Variants in TUSC3 observed in about 807,000 individuals in gnomAD.
The protein encoded by TUSC3 is tumor suppressor candidate 3.
A neutral mutation model predicts 44.8 loss-of-function variants in TUSC3; 45 were observed. The observed-to-expected ratio is 1.00, with a 90% CI of 0.79 to 1.29. The LOEUF (loss-of-function observed/expected upper bound fraction) is 1.29. TUSC3 is among the 50% of genes most tolerant of loss of function. The pLI is 0.00. For missense variants in TUSC3, 519 were observed against 437.9 expected (o/e 1.19, Z -1.65); for synonymous variants, 212 against 152.9 (o/e 1.39, Z -2.85).
intron 2 of TUSC3, among the ~76,000 whole-genome samples, chr8:15,649,762 G>C (rs1447998331): frequency 6.6e-6 from 1 of 151,946 alleles, no homozygotes; most frequent in African/African-American, 2.4e-5. Context: ...CTGTTTTTCA[G>C]ATATTTGTGG....
chr8:15,588,780 A>G (rs1803702420), intron 1 of TUSC3, among the ~76,000 whole-genome samples: 1 of 152,152 alleles, frequency 6.6e-6, no homozygotes, highest in South Asian at 2.1e-4. Flanking sequence ...ATGGATAGTC[A>G]GTTTTCCCCG....
At chr8:15,439,355 C>G (rs1210297124) in intron 1 of TUSC3, among the ~76,000 whole-genome samples, 3 of 152,090 alleles carry the variant, frequency 2.0e-5, no homozygotes, top group African/African-American at 7.2e-5. Flanking sequence ...TGTTTGAGCC[C>G]AGGAGTTTGA....
intron 2 of TUSC3, among the ~76,000 whole-genome samples, chr8:15,504,315 G>C (rs1368018046): frequency 6.6e-6 from 1 of 151,804 alleles, no homozygotes; most frequent in Admixed American, 6.6e-5. Flanking sequence ...TATTGACATA[G>C]ACTTCTAAAA....
intron 2 of TUSC3, among the ~76,000 whole-genome samples, chr8:15,640,013 C>G (rs983897454): frequency 3.3e-5 from 5 of 152,272 alleles, no homozygotes; most frequent in Middle Eastern, 3.4e-3. Context: ...GGGGAGCTCC[C>G]AAGTGTGGCC....
intron 2 of TUSC3, among the ~76,000 whole-genome samples, chr8:15,521,814 A>G (rs905148772): frequency 3.9e-5 from 6 of 152,086 alleles, no homozygotes; most frequent in Non-Finnish European, 7.3e-5. Flanking sequence ...CCTTTTCACT[A>G]TTGGTCAAGG....
intron 6 of TUSC3, among the ~76,000 whole-genome samples, chr8:15,723,031 A>G (rs914626321): frequency 1.3e-5 from 2 of 152,104 alleles, no homozygotes; most frequent in African/African-American, 4.8e-5. Context: ...AGGAGTTTCC[A>G]TATATAGAGC....
chr8:15,691,177 C>A (rs1367728154), intron 6 of TUSC3, among the ~76,000 whole-genome samples: 1 of 151,794 alleles, frequency 6.6e-6, no homozygotes, highest in Non-Finnish European at 1.5e-5. Context: ...TCTCTGATTT[C>A]TTTGAACAAC....
chr8:15,662,977 A>G (rs1186632188), intron 5 of TUSC3, among the ~76,000 whole-genome samples: 2 of 151,920 alleles, frequency 1.3e-5, no homozygotes, highest in Non-Finnish European at 2.9e-5. Flanking sequence ...TGGGATATTC[A>G]GAGAACTACA....
intron 7 of TUSC3, 41 bp from the exon 8 acceptor site, chr8:15,743,497 A>C (rs146523740): frequency 6.2e-7 from 1 of 1,603,300 alleles, no homozygotes; most frequent in African/African-American, 1.3e-5. Context: ...AATAGATTTT[A>C]TTCACATCTA....
In TUSC3 at chr8:15,421,380, G is replaced by A. The variant is rs191849426; in HGVS notation, n.91+4075G>A. On this transcript the variant is annotated intron_variant and non_coding_transcript_variant, in intron 1 of 5. Transcript: ENST00000503191. ...GGAGACACTACCTTTGAGCCCTTAC[G>A]GTAGTAACTCTCTCTTGCTGCAACA... 2.6e-4 allele frequency among the ~76,000 whole-genome samples: 39 copies of A among 151,988 alleles called. No individual in the cohort carries two copies. The East Asian group carries it at 3.5e-3, about 14-fold the overall frequency.
chr8:15,717,290 G>A (rs1191759524), intron 6 of TUSC3, among the ~76,000 whole-genome samples: 1 of 152,004 alleles, frequency 6.6e-6, no homozygotes, highest in South Asian at 2.1e-4. Flanking sequence ...TCAGTAAGAC[G>A]AAACATCATT....
chr8:15,619,388 C>G (rs1311938679), intron 1 of TUSC3, among the ~76,000 whole-genome samples: 1 of 152,182 alleles, frequency 6.6e-6, no homozygotes, highest in Non-Finnish European at 1.5e-5. Context: ...TAATTGCTCT[C>G]TGCTCTTCCT....
intron 6 of TUSC3, among the ~76,000 whole-genome samples, chr8:15,724,119 C>G (rs1319000375): frequency 6.6e-6 from 1 of 152,136 alleles, no homozygotes; most frequent in Non-Finnish European, 1.5e-5. Flanking sequence ...GCCTACCTAT[C>G]TCTGTCTGCT....
chr8:15,678,423 GA>G (rs955300335), intron 6 of TUSC3, among the ~76,000 whole-genome samples: 5 of 151,386 alleles, frequency 3.3e-5, no homozygotes, highest in African/African-American at 7.3e-5. Flanking sequence ...CAAAGGAGAG[GA>G]AAAAAATAAT....
At chr8:15,629,483 G>A (rs1266901527) in intron 2 of TUSC3, among the ~76,000 whole-genome samples, 1 of 151,006 alleles carries the variant, frequency 6.6e-6, no homozygotes, top group Non-Finnish European at 1.5e-5. Flanking sequence ...ATATTTCTGA[G>A]TAATAAATGA....
intron 1 of TUSC3, among the ~76,000 whole-genome samples, chr8:15,542,846 A>G (rs1161672681): frequency 6.6e-6 from 1 of 152,230 alleles, no homozygotes; most frequent in African/African-American, 2.4e-5. Flanking sequence ...CAGTGTATGT[A>G]TATTTTACTG....
intron 6 of TUSC3, among the ~76,000 whole-genome samples, chr8:15,728,833 TCTC>T (rs1448400108): frequency 1.3e-5 from 2 of 152,098 alleles, no homozygotes; most frequent in Non-Finnish European, 2.9e-5. Context: ...GGAACAGCCT[TCTC>T]CTTCCGGAGG....
chr8:15,428,587 CA>C (rs1395969275), intron 1 of TUSC3, among the ~76,000 whole-genome samples: 6 of 152,156 alleles, frequency 3.9e-5, no homozygotes, highest in Non-Finnish European at 5.9e-5. Flanking sequence ...ATCCCACCAA[CA>C]GTGTAAAAGT....
chr8:15,487,167 T>C (rs1488877761), intron 2 of TUSC3, among the ~76,000 whole-genome samples: 1 of 152,220 alleles, frequency 6.6e-6, no homozygotes, highest in African/African-American at 2.4e-5. Flanking sequence ...GTTTTAATGA[T>C]TTTAGTTCTT....
Sources: allele counts gnomAD v4.1 joint callset (sites outside exome capture counted in the v4.1 genomes callset), GRCh38; gene constraint gnomAD v4.1.1; transcripts MANE v1.5; gene names NCBI Gene and HGNC (gene_info 2026-07-23, HGNC 2026-07-21).